Variants in NCOR2 observed in about 807,000 individuals in gnomAD.
NCOR2 encodes the protein nuclear receptor corepressor 2.
NCOR2 carries 81 observed loss-of-function variants against 262.9 expected under a neutral mutation model. The ratio of observed to expected loss-of-function variants is 0.31; its 90% CI spans 0.26 to 0.37. The LOEUF is 0.37. NCOR2 is among the 10% of genes least tolerant of loss of function. The probability of loss-of-function intolerance (pLI) is 1.00; values close to 1 mark genes in which losing one functional copy is unlikely to be tolerated. For missense variants in NCOR2, 3,385 were observed against 3,621.4 expected (o/e 0.93, Z 1.68); for synonymous variants, 1,659 against 1,559.3 (o/e 1.06, Z -1.51).
chr12:124,353,083 G>A (rs2037639282), intron 27 of NCOR2, among the ~76,000 whole-genome samples: 1 of 152,238 alleles, frequency 6.6e-6, no homozygotes, highest in Non-Finnish European at 1.5e-5. Context: ...GCAGCTGGCT[G>A]TCTGCCAAAA....
At chr12:124,340,273 G>T in intron 36 of NCOR2, 21 bp downstream of exon 38, 1 of 1,608,418 alleles carries the variant, frequency 6.2e-7, no homozygotes, top group South Asian at 1.1e-5. Context: ...GGAGCGGGGG[G>T]TGGGGGCTCT....
At chr12:124,348,034 C>A (rs1170567082) in intron 29 of NCOR2, 123 bp from the exon 32 acceptor site, 2 of 1,463,040 alleles carry the variant, frequency 1.4e-6, no homozygotes, top group Admixed American at 2.0e-5. Context: ...TAGGACCCAG[C>A]ACGGGAAGGT....
At chr12:124,339,044 C>T (rs2036156491) in intron 37 of NCOR2, among the ~76,000 whole-genome samples, 1 of 142,978 alleles carries the variant, frequency 7.0e-6, no homozygotes, top group Non-Finnish European at 1.5e-5. Context: ...ACCTACCTAA[C>T]TCAGCCACCC....
At chr12:124,435,654 C>T (rs1417580741) in intron 8 of NCOR2, among the ~76,000 whole-genome samples, 2 of 152,208 alleles carry the variant, frequency 1.3e-5, no homozygotes, top group Non-Finnish European at 2.9e-5. Flanking sequence ...CCTGGCCCCA[C>T]GTGCCCACAC....
intron 28 of NCOR2, 176 bp from the exon 31 acceptor site, chr12:124,348,490 G>A (rs1301671152): frequency 2.4e-6 from 2 of 830,488 alleles, no homozygotes; most frequent in African/African-American, 1.7e-5. Flanking sequence ...GGCCCTGGGG[G>A]CCTGCCAGCA....
At chr12:124,466,018 C>T (rs1392544051) in intron 5 of NCOR2, among the ~76,000 whole-genome samples, 155 bp downstream of exon 7, 1 of 152,214 alleles carries the variant, frequency 6.6e-6, no homozygotes, top group Non-Finnish European at 1.5e-5. Context: ...GGTCACCTTC[C>T]CCCACCCACT....
chr12:124,355,623 G>A (rs769010297), intron 23 of NCOR2, 52 bp from the exon 26 acceptor site: 7 of 1,496,884 alleles, frequency 4.7e-6, no homozygotes, highest in Non-Finnish European at 4.4e-6. Flanking sequence ...TCACGTCCCT[G>A]CCGGACACAC....
chr12:124,557,721 C>T (rs1289903868), intron 1 of NCOR2, among the ~76,000 whole-genome samples: 3 of 151,236 alleles, frequency 2.0e-5, no homozygotes, highest in Non-Finnish European at 4.4e-5. Flanking sequence ...TGGCAGATGG[C>T]GTGGGTGGGC....
In NCOR2 at chr12:124,430,604, G is replaced by T; in HGVS notation, c.1055+11C>A. On this transcript the variant is annotated intron_variant, in intron 9 of 46. Coordinates refer to ENST00000405201, the Ensembl canonical transcript of NCOR2. ...CTGACGTCGGGGGCCCTGGGCTCAG[G>T]CCCCGCTCACCTCTGCATGCGCTCC... is the stretch of plus-strand genomic sequence containing the variant. 5 of 1,603,798 alleles carry T rather than the reference G, an allele frequency of 3.1e-6. No homozygotes were observed. The highest frequency in any genetic ancestry group is 4.3e-6 in the Non-Finnish European group (5 of 1,174,094).
At chr12:124,327,726 G>A in intron 44 of NCOR2, 93 bp from the exon 47 acceptor site, 2 of 847,338 alleles carry the variant, frequency 2.4e-6, no homozygotes, top group South Asian at 1.6e-5. Flanking sequence ...AGAGAGAGAG[G>A]GAAGGAGGAG....
At chr12:124,407,942 G>A (rs2042365050) in intron 13 of NCOR2, among the ~76,000 whole-genome samples, 1 of 152,218 alleles carries the variant, frequency 6.6e-6, no homozygotes, top group Non-Finnish European at 1.5e-5. Context: ...CCCTGTTGCT[G>A]GCAGCTCTTC....
At chr12:124,342,279 T>A (rs1396903924) in intron 33 of NCOR2, among the ~76,000 whole-genome samples, 1 of 152,234 alleles carries the variant, frequency 6.6e-6, no homozygotes, top group Admixed American at 6.5e-5. Flanking sequence ...CTACGAAGGA[T>A]GCTTTTTGCA....
chr12:124,484,226 C>T (rs2047658604), intron 2 of NCOR2, among the ~76,000 whole-genome samples: 1 of 152,212 alleles, frequency 6.6e-6, no homozygotes, highest in Non-Finnish European at 1.5e-5. Context: ...ACCCGTGATG[C>T]CATTTCCCTC....
At chr12:124,447,232 T>C (rs9669697) in intron 7 of NCOR2, among the ~76,000 whole-genome samples, 6 of 152,348 alleles carry the variant, frequency 3.9e-5, no homozygotes, top group Non-Finnish European at 5.9e-5. Flanking sequence ...TTGTTTTAAA[T>C]AGAAACATGT....
intron 20 of NCOR2, among the ~76,000 whole-genome samples, chr12:124,367,787 C>A (rs2039156202): frequency 6.6e-6 from 1 of 152,202 alleles, no homozygotes; most frequent in African/African-American, 2.4e-5. Flanking sequence ...CACACGCCAC[C>A]ATACCTGGCT....
chr12:124,483,560 C>T lies in NCOR2; in HGVS notation c.411+36G>A, dbSNP rs374350171. ...GCCCAACCAGCAGCAGAACCTCAAGCGGGAGAGGAGCTCCCAGCTGGGGGC... is the reference window on the plus strand; with the variant it reads ...GCCCAACCAGCAGCAGAACCTCAAGTGGGAGAGGAGCTCCCAGCTGGGGGC... On this transcript the variant is annotated intron_variant, in intron 3 of 46. Transcript: ENST00000405201. The surrounding 1 kb of genome is among the most constrained non-coding windows in gnomAD (Gnocchi z 6.3). 1.1e-3 allele frequency: 1,672 copies of T among 1,516,478 alleles called. 11 individuals carry two copies. The highest frequency in any genetic ancestry group is 7.7e-3 in the South Asian group (590 of 76,190). 93.9% of individuals were successfully genotyped at this position (1,516,478 alleles called of 1,614,324 possible). A position where few individuals can be genotyped will look rare whatever the true frequency, so the allele number is the denominator to read the frequency against.
At chr12:124,421,158 G>T (rs1050484204) in intron 12 of NCOR2, among the ~76,000 whole-genome samples, 35 of 152,346 alleles carry the variant, frequency 2.3e-4, no homozygotes, top group African/African-American at 8.2e-4. Flanking sequence ...CTGGCTCCCA[G>T]CCAGACGTCA....
upstream of NCOR2, among the ~76,000 whole-genome samples, chr12:124,496,387 T>G (rs2048382481): frequency 6.6e-6 from 1 of 151,966 alleles, no homozygotes; most frequent in South Asian, 2.1e-4. The surrounding 1 kb of genome is among the most constrained non-coding windows in gnomAD (Gnocchi z 4.4). Flanking sequence ...TCCTGCCTCA[T>G]GCAAAGCCCT....
At chr12:124,426,189 C>T (rs552131718) in intron 11 of NCOR2, among the ~76,000 whole-genome samples, 4 of 152,250 alleles carry the variant, frequency 2.6e-5, no homozygotes, top group African/African-American at 4.8e-5. Context: ...CCTCAGAATG[C>T]GGCCTTATTT....
Sources: gnomAD v4.1 joint callset for allele counts (sites outside exome capture counted in the v4.1 genomes callset) on GRCh38, gnomAD v4.1.1 for gene constraint, Gnocchi (gnomAD v3.1) non-coding constraint, MANE v1.5 for transcripts, NCBI Gene and HGNC (gene_info 2026-07-23, HGNC 2026-07-21) for gene names.